Variants in NBPF8 observed in about 807,000 individuals in gnomAD.
The protein encoded by NBPF8 is NBPF family member NBPF8.
At chr1:120,466,466 A>G (rs1406722540) in exon 25 of NBPF8, 2 of 437,768 alleles carry the variant, frequency 4.6e-6, no homozygotes, top group Non-Finnish European at 8.2e-6. Context: ...TCAGTCGGAC[A>G]TTTTAATTTG....
chr1:120,466,123 C>T (rs1196432649), exon 25 of NBPF8: 15 of 1,610,750 alleles, frequency 9.3e-6, no homozygotes, highest in African/African-American at 1.3e-5. Flanking sequence ...TGAGGAACAG[C>T]ACATCAGCTT....
chr1:120,452,701 A>G (rs1158959976), intron 13 of NBPF8, among the ~76,000 whole-genome samples: 3 of 150,718 alleles, frequency 2.0e-5, no homozygotes, highest in African/African-American at 7.3e-5. Flanking sequence ...TAACTGTCAG[A>G]GAGTGAATGA....
At chr1:120,456,131 A>C (rs1661429331) in intron 16 of NBPF8, among the ~76,000 whole-genome samples, 1 of 151,774 alleles carries the variant, frequency 6.6e-6, no homozygotes, top group East Asian at 1.9e-4. Context: ...GTGGTCTGAC[A>C]GTTTGTTGTG....
At chr1:120,418,960 T>C (rs1660499199), upstream of NBPF8, among the ~76,000 whole-genome samples, 1 of 152,002 alleles carries the variant, frequency 6.6e-6, no homozygotes, top group East Asian at 1.9e-4. Context: ...TTATTTTGTA[T>C]GTGTTCAATC....
intron 14 of NBPF8, 104 bp downstream of exon 12, chr1:120,453,548 G>T (rs1553249245): frequency 6.1e-6 from 6 of 989,302 alleles, no homozygotes; most frequent in African/African-American, 4.1e-5. Context: ...ACCCGCATTT[G>T]CTTAGCCACA....
upstream of NBPF8, among the ~76,000 whole-genome samples, chr1:120,415,648 GC>G (rs1660414561): frequency 6.6e-6 from 1 of 152,222 alleles, no homozygotes; most frequent in Admixed American, 6.5e-5. Flanking sequence ...GACCTGAGAG[GC>G]GAGACCACTC....
At chr1:120,435,980 G>A (rs1476590101), upstream of NBPF8, among the ~76,000 whole-genome samples, 1 of 152,056 alleles carries the variant, frequency 6.6e-6, no homozygotes, top group Non-Finnish European at 1.5e-5. Flanking sequence ...TTTCTGCCTT[G>A]ATGATGTTGT....
At chr1:120,434,180 C>T (rs1461587615), upstream of NBPF8, 2 of 151,244 alleles carry the variant, frequency 1.3e-5, 1 homozygote, top group East Asian at 3.9e-4. Flanking sequence ...CGCCACGACT[C>T]TGCTAGCTGT....
upstream of NBPF8, among the ~76,000 whole-genome samples, chr1:120,419,633 T>C (rs1246238087): frequency 6.6e-5 from 10 of 150,912 alleles, no homozygotes; most frequent in South Asian, 1.7e-3. Context: ...CAATTTTTCA[T>C]TTTTTATTTT....
chr1:120,462,371 C>T (rs1487435401), intron 20 of NBPF8, among the ~76,000 whole-genome samples, 174 bp downstream of exon 18: 1 of 149,490 alleles, frequency 6.7e-6, no homozygotes, highest in African/African-American at 2.5e-5. Context: ...TTCTTCCTCC[C>T]CTTATCATTT....
chr1:120,469,529 G>A (rs1419555928), downstream of NBPF8, among the ~76,000 whole-genome samples: 2 of 150,678 alleles, frequency 1.3e-5, no homozygotes, highest in African/African-American at 2.4e-5. Context: ...TTGTCATATT[G>A]GTGATTTCCA....
intron 2 of NBPF8, among the ~76,000 whole-genome samples, chr1:120,426,236 G>A (rs1660724867): frequency 6.6e-6 from 1 of 150,778 alleles, no homozygotes; most frequent in African/African-American, 2.4e-5. Flanking sequence ...GACTCCAGAG[G>A]CCACGTGCTT....
upstream of NBPF8, among the ~76,000 whole-genome samples, chr1:120,419,407 G>GA (rs1436162402): frequency 1.3e-5 from 2 of 151,948 alleles, no homozygotes; most frequent in Non-Finnish European, 2.9e-5. Flanking sequence ...AGAAAGAATC[G>GA]AATTCTTGTT....
chr1:120,436,633 C>A (rs1553247813), exon 1 of NBPF8: 19 of 1,570,500 alleles, frequency 1.2e-5, no homozygotes, highest in Admixed American at 3.5e-5. Flanking sequence ...AGTTCGTAAA[C>A]CTCAAAGAGA....
At chr1:120,436,644 G>A (rs1553247816) in exon 1 of NBPF8, 309,589 of 1,501,748 alleles carry the variant, frequency 0.21, 35,236 homozygotes, top group East Asian at 0.59. Context: ...CTCAAAGAGA[G>A]ATGTTTTCTA....
exon 19 of NBPF8, chr1:120,461,313 G>C: frequency 1.2e-6 from 1 of 810,056 alleles, no homozygotes. Flanking sequence ...TCACTGGATA[G>C]ATGTTATTCA....
At chr1:120,468,038 T>C (rs1200433023), downstream of NBPF8, among the ~76,000 whole-genome samples, 1 of 151,648 alleles carries the variant, frequency 6.6e-6, no homozygotes, top group Non-Finnish European at 1.5e-5. Context: ...ACTAAAAATG[T>C]TTTTGATGGT....
At chr1:120,466,321 T>A in exon 25 of NBPF8, 1 of 1,516,800 alleles carries the variant, frequency 6.6e-7, no homozygotes, top group Non-Finnish European at 9.0e-7. Flanking sequence ...AGCCCAGACA[T>A]AGGATGGGTC....
At chr1:120,431,183 A>G (rs1187290160) in intron 3 of NBPF8, among the ~76,000 whole-genome samples, 4 of 148,664 alleles carry the variant, frequency 2.7e-5, no homozygotes, top group African/African-American at 7.4e-5. Flanking sequence ...ATCCAGAAAT[A>G]GATACTCACA....
Sources: gnomAD v4.1 joint callset for allele counts (sites outside exome capture counted in the v4.1 genomes callset) on GRCh38, gnomAD v4.1.1 for gene constraint, MANE v1.5 for transcripts, NCBI Gene and HGNC (gene_info 2026-07-23, HGNC 2026-07-21) for gene names.